The following GALK1 variants were observed in gnomAD, a reference collection of about 807,000 sequenced individuals.
GALK1 encodes galactokinase 1, also known as galactokinase.
In GALK1, 30 loss-of-function variants were observed where a neutral mutation model predicts 38.6. The ratio of observed to expected loss-of-function variants is 0.78; its 90% CI spans 0.58 to 1.05. The LOEUF (loss-of-function observed/expected upper bound fraction) is 1.05, where lower values mean the gene tolerates loss of function less well. Among genes scored for constraint, GALK1 ranks in the 50% least tolerant of loss-of-function variants. The pLI is 0.00. For missense variants in GALK1, 512 were observed against 540.5 expected, an observed-to-expected ratio of 0.95 and a Z score of 0.52; for synonymous variants, 240 against 233.6, an observed-to-expected ratio of 1.03 and a Z score of -0.25.
At chr17:75,754,685 CGTG>C (rs762026557), downstream of GALK1, 1 of 1,614,156 alleles carries the variant, frequency 6.2e-7, no homozygotes, top group Non-Finnish European at 8.5e-7. Context: ...TGAGCCCACA[CGTG>C]CCCCACCGCG....
Position 75,758,527 on chromosome 17 carries a change from G to A in GALK1, c.866C>T (p.Ala289Val), listed in dbSNP as rs749725978. The A allele has an allele frequency of 3.8e-6, 6 of 1,590,484 alleles. No homozygotes were observed. In the South Asian group the frequency reaches 4.5e-5, roughly 12 times the overall value. ...RHVVGEIRRT[A>V]QAAAALRRGD... ...ACGTCTCAGGGCGGCCGCTGCCTGG[G>A]CCGTGCGCCGAATCTCCCCCACCAC... Residue 289 changes from alanine (A) to valine (V), a missense_variant, in exon 6 of 8, where the codon GCC becomes GTC. By Grantham distance (64) the Ala-to-Val change is moderately conservative. Transcript: ENST00000588479.
At chr17:75,760,735 C>T (rs1452744926) in intron 5 of GALK1, among the ~76,000 whole-genome samples, 5 of 151,932 alleles carry the variant, frequency 3.3e-5, no homozygotes, top group Admixed American at 1.3e-4. Flanking sequence ...GAGATCACGC[C>T]ACTGCGCTCC....
At chr17:75,754,971 C>T, downstream of GALK1, 1 of 1,534,224 alleles carries the variant, frequency 6.5e-7, no homozygotes, top group Non-Finnish European at 8.9e-7. Flanking sequence ...CGCATGCACA[C>T]ATGTACACAG....
rs1435062185 is a variant in GALK1, at chr17:75,762,869, G to A, written c.628C>T (p.Leu210=). ...AGCTTGGGGTCCGAGAGTGGCACCA[G>A]GCTGGTCTCCAAGGACCTGGGGTGG... ...LIDCRSLETS[L]VPLSDPKLAV... The change falls in exon 5 of 8, where the codon CTG becomes TTG. Residue 210 remains leucine (L), a synonymous_variant. Coordinates refer to ENST00000588479, the MANE Select transcript of GALK1 (RefSeq NM_000154.2). 1 of 1,613,368 alleles carries A rather than the reference G, an allele frequency of 6.2e-7. No homozygotes were observed. Among genetic ancestry groups the A allele is most frequent in the Admixed American group, 1.7e-5 (1 of 60,014 alleles).
chr17:75,756,835 A>G (rs200142052), downstream of GALK1: 2 of 1,612,258 alleles, frequency 1.2e-6, no homozygotes, highest in East Asian at 4.5e-5. Context: ...CTACCTGGTG[A>G]CCTGTGAGAT....
chr17:75,753,900 G>T, downstream of GALK1: 1 of 1,297,724 alleles, frequency 7.7e-7, no homozygotes, highest in Non-Finnish European at 9.7e-7. Context: ...GCGCCCCACG[G>T]GCCCCCGGAC....
At chr17:75,755,284 C>T (rs536617976), downstream of GALK1, 61 of 1,503,886 alleles carry the variant, frequency 4.1e-5, no homozygotes, top group Non-Finnish European at 3.0e-5. Context: ...CCATAGCAGC[C>T]GCCAGCTGTG....
chr17:75,754,433 C>T, downstream of GALK1: 1 of 1,013,360 alleles, frequency 9.9e-7, no homozygotes, highest in Admixed American at 1.9e-5. Context: ...GGCCTCTGTC[C>T]CTAGTGGTTT....
chr17:75,758,215 T>C lies in GALK1; in HGVS notation c.1102A>G (p.Ile368Val), dbSNP rs771288908. Reference sequence around the variant, plus strand: ...AGGCCCTGGTGCCCGCCCACCTGGATGTGCCGCATGGCGTGGGGAGCAGCG... The same window carrying C: ...AGGCCCTGGTGCCCGCCCACCTGGACGTGCCGCATGGCGTGGGGAGCAGCG... ...ASAAPHAMRH[I>V]QEHYGGTATF... The change falls in exon 7 of 8, where the codon ATC becomes GTC. Residue 368 changes from isoleucine (I) to valine (V), a missense_variant. Physicochemically the swap from Ile to Val is conservative, Grantham distance 29 (BLOSUM62 3). Transcript: ENST00000588479. 6.2e-7 allele frequency: 1 copy of C among 1,606,748 alleles called. No homozygotes were observed. The highest frequency in any genetic ancestry group is 1.1e-5 in the South Asian group (1 of 90,310).
At chr17:75,755,992 C>T (rs111879557), downstream of GALK1, 807 of 1,035,060 alleles carry the variant, frequency 7.8e-4, 6 homozygotes, top group African/African-American at 0.011. Flanking sequence ...GAGAGGGTCT[C>T]CCACCCCATT....
downstream of GALK1, chr17:75,755,715 GCTGGTGTGCCCGACACGCCCACCCGC>G (rs772563482): frequency 1.1e-5 from 17 of 1,612,902 alleles, no homozygotes; most frequent in Non-Finnish European, 1.4e-5. Flanking sequence ...TCGCCTGACT[GCTGGTGTGCCCGACACGCCCACCCGC>G]CTGGTGTTCT....
chr17:75,764,652 C>T, intron 1 of GALK1: 1 of 508,996 alleles, frequency 2.0e-6, no homozygotes, highest in Non-Finnish European at 3.6e-6. Context: ...GCGGAGTGTC[C>T]CCTTCTGCGT....
At chr17:75,764,337 G>T in intron 1 of GALK1, 1 of 735,886 alleles carries the variant, frequency 1.4e-6, no homozygotes. Context: ...TGTGGGGCAA[G>T]GGGGAGAGCT....
downstream of GALK1, chr17:75,757,331 G>T (rs2061540665): frequency 6.2e-7 from 1 of 1,612,680 alleles, no homozygotes. Flanking sequence ...AGGGCTAGGG[G>T]ATCCCGGCTC....
At chr17:75,756,714 C>A (rs1313422128), downstream of GALK1, 22 of 1,613,430 alleles carry the variant, frequency 1.4e-5, no homozygotes, top group Non-Finnish European at 1.9e-5. Flanking sequence ...GCTCCGCCTT[C>A]ACTTTGAGCA....
intron 5 of GALK1, among the ~76,000 whole-genome samples, chr17:75,761,418 G>A (rs149289506): frequency 3.3e-5 from 5 of 150,978 alleles, no homozygotes; most frequent in African/African-American, 7.3e-5. Context: ...TCAGGAGTTC[G>A]AGACCAGCCT....
At chr17:75,753,864 G>T, downstream of GALK1, 1 of 1,365,378 alleles carries the variant, frequency 7.3e-7, no homozygotes, top group South Asian at 1.9e-5. Context: ...CTGTCGGCCA[G>T]CAGCGGGCGC....
downstream of GALK1, chr17:75,756,870 C>T: frequency 6.2e-7 from 1 of 1,612,286 alleles, no homozygotes; most frequent in Non-Finnish European, 8.5e-7. Flanking sequence ...GTGCTGCCCA[C>T]CCCGGGGGCA....
chr17:75,763,670 G>T, intron 2 of GALK1: 1 of 695,174 alleles, frequency 1.4e-6, no homozygotes, highest in Non-Finnish European at 2.4e-6. Flanking sequence ...TTAGGGCTCT[G>T]GAGGGAAAAA....
Sources: allele counts gnomAD v4.1 joint callset (sites outside exome capture counted in the v4.1 genomes callset), GRCh38; gene constraint gnomAD v4.1.1; transcripts MANE v1.5; gene names NCBI Gene and HGNC (gene_info 2026-07-23, HGNC 2026-07-21).